Variants in PLEKHA7 observed in about 807,000 individuals in gnomAD.
PLEKHA7 encodes pleckstrin homology domain-containing family A member 7.
Under a neutral mutation model 170.0 loss-of-function variants are expected in PLEKHA7, and 104 were observed. The observed-to-expected ratio is 0.61, with a 90% CI of 0.52 to 0.72. The LOEUF is 0.72. PLEKHA7 is among the 30% of genes least tolerant of loss of function. PLEKHA7 has a pLI of 0.00. For missense variants in PLEKHA7, 1,615 were observed against 1,671.7 expected (o/e 0.97, Z 0.59); for synonymous variants, 648 against 660.8 (o/e 0.98, Z 0.30).
rs1156765727 is a variant in PLEKHA7 at position 16,906,281 on chromosome 11, A to AGG, written c.222-35100_222-35099insCC. Among the ~76,000 whole-genome samples the AGG allele has an allele frequency of 4.7e-3, 533 of 113,704 alleles. 4 individuals carry two copies. Among genetic ancestry groups the AGG allele is most frequent in the African/African-American group, 0.016 (430 of 26,904 alleles). 74.6% of individuals were successfully genotyped at this position (113,704 alleles called of 152,430 possible). A position where few individuals can be genotyped will look rare whatever the true frequency, so the allele number is the denominator to read the frequency against. Reference sequence around the variant, plus strand: ...AAGGAAGGAAGGAAGGAAGGAAGGAAAGAAAGAAAATTGGAAAGGCTCCTC... The same window carrying AGG: ...AAGGAAGGAAGGAAGGAAGGAAGGAAGGAGAAAGAAAATTGGAAAGGCTCCTC... On this transcript the variant is annotated intron_variant, in intron 3 of 26. Coordinates refer to ENST00000531066, the MANE Select transcript of PLEKHA7 (RefSeq NM_001329630.2).
chr11:16,976,107 C>T (rs910023938), intron 3 of PLEKHA7, among the ~76,000 whole-genome samples: 1 of 152,254 alleles, frequency 6.6e-6, no homozygotes, highest in African/African-American at 2.4e-5. Flanking sequence ...ATACCAGGAG[C>T]TATTTGGCCA....
chr11:16,921,995 A>G (rs1298719038), intron 3 of PLEKHA7, among the ~76,000 whole-genome samples: 5 of 152,178 alleles, frequency 3.3e-5, no homozygotes, highest in African/African-American at 1.2e-4. Flanking sequence ...TGAGCAGGTG[A>G]CCTTTCCAGT....
chr11:16,811,087 G>C (rs1849340757), intron 13 of PLEKHA7, among the ~76,000 whole-genome samples: 1 of 152,174 alleles, frequency 6.6e-6, no homozygotes, highest in African/African-American at 2.4e-5. Flanking sequence ...CCATTCTGTG[G>C]CTCAGTTTCT....
intron 18 of PLEKHA7, 39 bp downstream of exon 18, chr11:16,794,871 C>A: frequency 6.4e-7 from 1 of 1,554,598 alleles, no homozygotes; most frequent in South Asian, 1.1e-5. Flanking sequence ...ACCCTGCCCC[C>A]AATCAGATCC....
At chr11:16,846,814 C>G (rs1357240523) in intron 8 of PLEKHA7, among the ~76,000 whole-genome samples, 1 of 152,172 alleles carries the variant, frequency 6.6e-6, no homozygotes, top group Non-Finnish European at 1.5e-5. Context: ...GGCCACGATT[C>G]CAATTACACT....
Position 16,813,152 on chromosome 11 carries a change from G to A in PLEKHA7, c.1968C>T (p.Tyr656=). 3.7e-6 allele frequency: 6 copies of A among 1,613,592 alleles called. No homozygotes were observed. The highest frequency in any genetic ancestry group is 3.4e-6 in the Non-Finnish European group (4 of 1,179,548). The change falls in exon 13 of 27, where the codon TAC becomes TAT. Residue 656 remains tyrosine, a synonymous_variant. Coordinates refer to ENST00000531066, the MANE Select transcript of PLEKHA7 (RefSeq NM_001329630.2). Reference sequence around the variant, plus strand: ...ACTCCAGGTCTTTCTTCAGCTGGAGGTAGGTATCATCAGCCTTCAAATGAA... The same window carrying A: ...ACTCCAGGTCTTTCTTCAGCTGGAGATAGGTATCATCAGCCTTCAAATGAA... ...SLHGKSADDT[Y]LQLKKDLEYL... is the part of the protein sequence containing the mutation.
chr11:16,974,626 G>GTTTT lies in PLEKHA7; in HGVS notation c.221+39359_221+39362dup, dbSNP rs397965149. The GTTTT allele has an allele frequency of 1.4e-3, 206 of 149,612 alleles. 10 individuals carry two copies. The highest frequency in any genetic ancestry group is 1.9e-3 in the South Asian group (15 of 8,100). 9.3% of individuals were successfully genotyped at this position (149,612 alleles called of 1,614,324 possible). A position where few individuals can be genotyped will look rare whatever the true frequency, so the allele number is the denominator to read the frequency against. ...TACAGACCTCACAGAGATTTCACAG[G>GTTTT]TTTTTTTTTTTTTTTTTTTTGAACA... On this transcript the variant is annotated intron_variant, in intron 3 of 26. Transcript: ENST00000531066.
chr11:17,007,059 A>G (rs1346556236), intron 3 of PLEKHA7, among the ~76,000 whole-genome samples: 1 of 152,146 alleles, frequency 6.6e-6, no homozygotes, highest in Non-Finnish European at 1.5e-5. Flanking sequence ...CCAGGTTCTT[A>G]ACTGCCCACT....
chr11:16,952,064 C>T (rs1861437179), intron 3 of PLEKHA7, among the ~76,000 whole-genome samples: 1 of 152,212 alleles, frequency 6.6e-6, no homozygotes, highest in South Asian at 2.1e-4. Context: ...CAGCCTGACC[C>T]AAAATGGATA....
intron 3 of PLEKHA7, among the ~76,000 whole-genome samples, chr11:16,895,908 CT>C (rs1361861792): frequency 6.6e-6 from 1 of 152,216 alleles, no homozygotes; most frequent in East Asian, 1.9e-4. Flanking sequence ...AAGAGAGAAA[CT>C]TGTAAAAATT....
intron 3 of PLEKHA7, among the ~76,000 whole-genome samples, chr11:16,911,676 C>T (rs562243412): frequency 6.6e-6 from 1 of 152,244 alleles, no homozygotes; most frequent in South Asian, 2.1e-4. Flanking sequence ...GGGTTGAACA[C>T]TCACTGCAGG....
chr11:17,011,077 C>G (rs905790232), intron 3 of PLEKHA7, among the ~76,000 whole-genome samples: 1 of 152,178 alleles, frequency 6.6e-6, no homozygotes, highest in Non-Finnish European at 1.5e-5. Context: ...CATTAGGGAC[C>G]TCACAGACAA....
chr11:16,920,743 C>T (rs776362849), intron 3 of PLEKHA7, among the ~76,000 whole-genome samples: 8 of 152,210 alleles, frequency 5.3e-5, no homozygotes, highest in South Asian at 2.1e-4. Context: ...CCCACTCTGA[C>T]GACACCAGCA....
At chr11:16,910,215 T>C (rs1035464774) in intron 3 of PLEKHA7, among the ~76,000 whole-genome samples, 1 of 152,224 alleles carries the variant, frequency 6.6e-6, no homozygotes, top group Non-Finnish European at 1.5e-5. Flanking sequence ...TGTCACTTAA[T>C]TCTCATTCAC....
At chr11:16,840,421 G>A (rs113323651) in intron 9 of PLEKHA7, among the ~76,000 whole-genome samples, 3 of 152,202 alleles carry the variant, frequency 2.0e-5, no homozygotes, top group South Asian at 2.1e-4. Flanking sequence ...TTAGCTGGGC[G>A]TGGTGGCGGG....
intron 3 of PLEKHA7, among the ~76,000 whole-genome samples, chr11:17,002,360 T>TA (rs1371219849): frequency 6.6e-6 from 1 of 150,972 alleles, no homozygotes; most frequent in Non-Finnish European, 1.5e-5. Context: ...GCTGAGATGG[T>TA]ACCACTGCAC....
Position 16,789,116 on chromosome 11 carries a change from G to A in PLEKHA7, c.3337C>T (p.Leu1113Phe). ...CATACTGAGCCAAGATCTCCAGGGA[G>A]CGGCCGGCTGAGGTAGCGAGATGAG... ...LPSSRYLSRP[L>F]PGDLGSWKRE... The change falls in exon 23 of 27, where the codon CTC becomes TTC. Residue 1113 changes from leucine (L) to phenylalanine (F), a missense_variant. Transcript: ENST00000531066. This position sits in a 1 kb window ranked among gnomAD's most constrained non-coding sequence, Gnocchi z 4.6. 6 of 1,605,300 alleles carry A rather than the reference G, an allele frequency of 3.7e-6. No individual in the cohort carries two copies. The highest frequency in any genetic ancestry group is 5.1e-6 in the Non-Finnish European group (6 of 1,179,970).
intron 3 of PLEKHA7, among the ~76,000 whole-genome samples, chr11:16,941,424 TTAGCTCA>T (rs1211159505): frequency 6.6e-6 from 1 of 152,208 alleles, no homozygotes; most frequent in African/African-American, 2.4e-5. Context: ...CATGAACAAC[TTAGCTCA>T]TAGAAAGGGG....
chr11:16,816,846 A>C lies in PLEKHA7; in HGVS notation c.1820T>G (p.Ile607Ser). 6.2e-7 allele frequency: 1 copy of C among 1,614,012 alleles called. No individual in the cohort carries two copies. Among genetic ancestry groups the C allele is most frequent in the Non-Finnish European group, 8.5e-7 (1 of 1,179,992 alleles). The part of the protein sequence containing the change: ...KPPDQRRSVD[I>S]SLGDSPRRAR... ...CCTCCTTGGAGAATCCCCCAGCGAG[A>C]TGTCCACACTCCTCCTCTGGTCCGG... The change falls in exon 11 of 27, where the codon ATC becomes AGC. Residue 607 changes from isoleucine to serine, a missense_variant. By Grantham distance (142) the Ile-to-Ser change is moderately radical. Transcript: ENST00000531066.
Sources: allele counts gnomAD v4.1 joint callset (sites outside exome capture counted in the v4.1 genomes callset), GRCh38; gene constraint gnomAD v4.1.1; non-coding constraint Gnocchi (gnomAD v3.1); transcripts MANE v1.5; gene names NCBI Gene and HGNC (gene_info 2026-07-23, HGNC 2026-07-21).